The following ADAM17 variants were observed in gnomAD, a reference collection of about 807,000 sequenced individuals.
The protein encoded by ADAM17 is disintegrin and metalloproteinase domain-containing protein 17.
ADAM17 carries 39 observed loss-of-function variants against 96.7 expected under a neutral mutation model. The ratio of observed to expected loss-of-function variants is 0.40; its 90% CI spans 0.31 to 0.53. The LOEUF (loss-of-function observed/expected upper bound fraction) is 0.53. Ranked by LOEUF, ADAM17 falls within the 20% of genes least tolerant of loss-of-function variation. The probability of loss-of-function intolerance (pLI) is 0.44; values close to 1 mark genes in which losing one functional copy is unlikely to be tolerated. For missense variants in ADAM17, 777 were observed against 1,013.2 expected, an observed-to-expected ratio of 0.77 and a Z score of 3.17; for synonymous variants, 344 against 359.2, an observed-to-expected ratio of 0.96 and a Z score of 0.48.
Position 9,505,365 on chromosome 2 carries a change from T to C in ADAM17, c.1345A>G (p.Met449Val). The C allele has an allele frequency of 6.2e-7, 1 of 1,613,668 alleles. No homozygotes were observed. The highest frequency in any genetic ancestry group is 1.7e-4 in the Middle Eastern group (1 of 6,060). The change falls in exon 12 of 19, where the codon ATG (methionine) becomes GTG (valine). Residue 449 changes from methionine to valine, a missense_variant and splice_region_variant. Around this residue, in one of 3 missense-constraint regions of ADAM17, gnomAD observed 446 missense variants for 664.7 expected, o/e 0.67. Coordinates refer to ENST00000310823, the MANE Select transcript of ADAM17 (RefSeq NM_003183.6). ...GATTGTTTACTGCAGTTTGAAAACA[T>C]CTTGAGAGAAAAAAGGCAATAAGGA... ...AVSGDHENNK[M>V]FSNCSKQSIY...
intron 17 of ADAM17, among the ~76,000 whole-genome samples, chr2:9,492,683 A>G (rs1397000372): frequency 6.6e-6 from 1 of 152,256 alleles, no homozygotes; most frequent in East Asian, 1.9e-4. Context: ...TTTATATATT[A>G]AAACACCAAC....
intron 4 of ADAM17, among the ~76,000 whole-genome samples, chr2:9,532,158 C>T (rs1572944189): frequency 6.6e-6 from 1 of 152,236 alleles, no homozygotes; most frequent in African/African-American, 2.4e-5. Context: ...TATATTTTTT[C>T]CTGCTCACTT....
At chr2:9,538,826 C>T (rs1285477000) in intron 2 of ADAM17, among the ~76,000 whole-genome samples, 1 of 151,996 alleles carries the variant, frequency 6.6e-6, no homozygotes, top group Non-Finnish European at 1.5e-5. Context: ...ATTTCTTTAA[C>T]GTTTTATCTT....
At chr2:9,514,524 T>TATATATATATATAG (rs1663937856) in intron 10 of ADAM17, among the ~76,000 whole-genome samples, 1 of 4,742 alleles carries the variant, frequency 2.1e-4, no homozygotes, top group Admixed American at 1.1e-3. Context: ...TATAAATATA[T>TATATATATATATAG]ATATATATAT....
chr2:9,543,136 T>C lies in ADAM17; in HGVS notation c.230+17A>G, dbSNP rs371770705. Reference sequence around the variant, plus strand: ...CCCCCAGTGCCCCAACATTATTCCATGAATAATTCAAATTACCTTTTCAAA... The same window carrying C: ...CCCCCAGTGCCCCAACATTATTCCACGAATAATTCAAATTACCTTTTCAAA... On this transcript the variant is annotated intron_variant, in intron 2 of 18. Transcript: ENST00000310823. 3.8e-5 allele frequency: 60 copies of C among 1,567,646 alleles called. No individual in the cohort carries two copies. Among genetic ancestry groups the C allele is most frequent in the Non-Finnish European group, 4.6e-5 (53 of 1,160,210 alleles).
rs192592002 is a variant in ADAM17, at chr2:9,488,580, A to G, written c.*1597T>C. ...GTTAATTCTATAAATGACAAAGACT[A>G]TGTTTTTAAAAAGTCACAATTTTAT... is the stretch of plus-strand genomic sequence containing the variant. On this transcript the variant is annotated 3_prime_UTR_variant, in exon 19 of 19. Coordinates refer to ENST00000310823, the MANE Select transcript of ADAM17 (RefSeq NM_003183.6). 126 of 319,778 alleles carry G rather than the reference A, an allele frequency of 3.9e-4. No individual in the cohort carries two copies. The highest frequency in any genetic ancestry group is 7.1e-4 in the Admixed American group (15 of 21,058). The allele number at this position is 319,778 out of a possible 1,614,324, so 19.8% of individuals were successfully genotyped here.
At position 9,555,714 on chromosome 2, in the gene ADAM17, C is replaced by A; in HGVS notation, c.-109G>T. 1.1e-6 allele frequency: 1 copy of A among 940,914 alleles called. No individual in the cohort carries two copies. Among genetic ancestry groups the A allele is most frequent in the South Asian group, 2.1e-5 (1 of 47,158 alleles). 58.3% of individuals were successfully genotyped at this position (940,914 alleles called of 1,614,324 possible). ...ACGGGATCCGCCCGGCCTAGCCCCTCAATCCTCTTTTCCCTCCCGCGCCGC... is the reference window on the plus strand; with the variant it reads ...ACGGGATCCGCCCGGCCTAGCCCCTAAATCCTCTTTTCCCTCCCGCGCCGC... On this transcript the variant is annotated 5_prime_UTR_variant, in exon 1 of 19. Transcript: ENST00000310823.
intron 6 of ADAM17, among the ~76,000 whole-genome samples, chr2:9,524,612 G>C (rs989659339): frequency 2.6e-5 from 4 of 152,124 alleles, no homozygotes; most frequent in African/African-American, 4.8e-5. Context: ...TCTATCTCTT[G>C]GTGAGTACCT....
intron 11 of ADAM17, among the ~76,000 whole-genome samples, chr2:9,509,016 A>T (rs1663580618): frequency 6.6e-6 from 1 of 152,174 alleles, no homozygotes; most frequent in Non-Finnish European, 1.5e-5. Flanking sequence ...TGCAACAATC[A>T]AAGATCACAA....
At position 9,493,938 on chromosome 2, in the gene ADAM17, T is replaced by C. The variant is rs771399994; in HGVS notation, c.1915-113A>G. On this transcript the variant is annotated intron_variant, in intron 15 of 18. Coordinates refer to ENST00000310823, the MANE Select transcript of ADAM17 (RefSeq NM_003183.6). ...AAGGGCTTCATTAAAATCAAACGTTTTCCCATCTTTGACACAAGGCAATAA... is the reference window on the plus strand; with the variant it reads ...AAGGGCTTCATTAAAATCAAACGTTCTCCCATCTTTGACACAAGGCAATAA... 6.7e-5 allele frequency: 55 copies of C among 824,334 alleles called. No individual in the cohort carries two copies. In the Middle Eastern group the frequency reaches 7.9e-3, roughly 119 times the overall value. 51.1% of individuals were successfully genotyped at this position (824,334 alleles called of 1,614,324 possible). A position where few individuals can be genotyped will look rare whatever the true frequency, so the allele number is the denominator to read the frequency against.
chr2:9,553,614 G>A (rs1397865140), intron 1 of ADAM17, among the ~76,000 whole-genome samples: 1 of 149,566 alleles, frequency 6.7e-6, no homozygotes, highest in Non-Finnish European at 1.5e-5. Context: ...GGCGGAGGTT[G>A]TGGTGAGCTG....
In ADAM17 at chr2:9,510,121, A is replaced by G; in HGVS notation, c.1202T>C (p.Leu401Pro). The G allele has an allele frequency of 6.2e-7, 1 of 1,614,046 alleles. No homozygotes were observed. The highest frequency in any genetic ancestry group is 8.5e-7 in the Non-Finnish European group (1 of 1,179,978). Residue 401 changes from leucine (L) to proline (P), a missense_variant, in exon 11 of 19, where the codon CTG (leucine) becomes CCG (proline). By Grantham distance (98) the Leu-to-Pro change is moderately conservative (BLOSUM62 -3). Transcript: ENST00000310823. ...GKTILTKEADLVTTHELGHNF... is the reference protein window; with the variant it reads ...GKTILTKEADPVTTHELGHNF... ...ATGTCCCAATTCATGAGTTGTAACC[A>G]GGTCAGCTTCCTTAAGGATCATGCA...
chr2:9,553,845 C>T (rs899292302), intron 1 of ADAM17, among the ~76,000 whole-genome samples: 4 of 152,076 alleles, frequency 2.6e-5, no homozygotes, highest in Admixed American at 1.3e-4. Flanking sequence ...GGGCGGATCA[C>T]GAGGTCAAGA....
chr2:9,531,783 T>C (rs1248140874), intron 4 of ADAM17, among the ~76,000 whole-genome samples: 2 of 151,694 alleles, frequency 1.3e-5, no homozygotes, highest in Non-Finnish European at 2.9e-5. Context: ...TAGTAAGCTA[T>C]GGTAAAGTCA....
intron 13 of ADAM17, among the ~76,000 whole-genome samples, chr2:9,501,763 T>G (rs532755679): frequency 3.3e-4 from 50 of 152,366 alleles, no homozygotes; most frequent in African/African-American, 1.1e-3. Flanking sequence ...ATTAAAAACC[T>G]TGTTATATTA....
rs1451759086 is a variant in ADAM17, at chr2:9,505,553, T to C, written c.1345-188A>G. ...ATATGGAACTGGGAACCTCCCTCCATAGAATGCTAAATGGCTGATGTGAAC... is the reference window on the plus strand; with the variant it reads ...ATATGGAACTGGGAACCTCCCTCCACAGAATGCTAAATGGCTGATGTGAAC... On this transcript the variant is annotated intron_variant, in intron 11 of 18. Transcript: ENST00000310823. 5.6e-5 allele frequency: 34 copies of C among 606,826 alleles called. No homozygotes were observed. In the East Asian group the frequency reaches 7.6e-4, roughly 13 times the overall value. The allele number at this position is 606,826 out of a possible 1,614,324, so 37.6% of individuals were successfully genotyped here. A position where few individuals can be genotyped will look rare whatever the true frequency, so the allele number is the denominator to read the frequency against.
chr2:9,552,229 A>C (rs1665609931), intron 1 of ADAM17, among the ~76,000 whole-genome samples: 1 of 152,198 alleles, frequency 6.6e-6, no homozygotes, highest in South Asian at 2.1e-4. Flanking sequence ...AGGATCCAAA[A>C]ATCAACCACA....
intron 10 of ADAM17, among the ~76,000 whole-genome samples, chr2:9,510,683 T>A (rs1203569672): frequency 2.0e-4 from 28 of 139,282 alleles, no homozygotes; most frequent in African/African-American, 5.4e-4. Flanking sequence ...AAAAAAAAAA[T>A]TAGCCAGGCA....
intron 2 of ADAM17, among the ~76,000 whole-genome samples, chr2:9,539,609 G>A (rs548816635): frequency 2.0e-5 from 3 of 152,142 alleles, no homozygotes; most frequent in Non-Finnish European, 2.9e-5. Flanking sequence ...CACTGCTATC[G>A]AAAAACGGAA....
Sources: gnomAD v4.1 joint callset for allele counts (sites outside exome capture counted in the v4.1 genomes callset) on GRCh38, gnomAD v4.1.1 for gene constraint, gnomAD v4.1.1 regional missense constraint, MANE v1.5 for transcripts, NCBI Gene and HGNC (gene_info 2026-07-23, HGNC 2026-07-21) for gene names.